Variants in NRXN3 observed in about 807,000 individuals in gnomAD.
NRXN3 encodes the protein neurexin 3.
A neutral mutation model predicts 137.6 loss-of-function variants in NRXN3; 32 were observed. That is an observed-to-expected ratio of 0.23 (90% CI 0.18 to 0.31). NRXN3 has a LOEUF of 0.31. Ranked by LOEUF, NRXN3 falls within the 10% of genes least tolerant of loss-of-function variation. The probability of loss-of-function intolerance (pLI) is 1.00; values close to 1 mark genes in which losing one functional copy is unlikely to be tolerated. For missense variants in NRXN3, 1,574 were observed against 2,062.5 expected (o/e 0.76, Z 4.59); for synonymous variants, 798 against 784.5 (o/e 1.02, Z -0.29).
intron 15 of NRXN3, among the ~76,000 whole-genome samples, chr14:79,282,104 C>A (rs2081366495): frequency 6.6e-6 from 1 of 151,280 alleles, no homozygotes; most frequent in Non-Finnish European, 1.5e-5. Context: ...GGTGTTGGCT[C>A]CCTTAAAAAA....
chr14:79,618,044 G>A (rs191390586), intron 16 of NRXN3, among the ~76,000 whole-genome samples: 1 of 151,750 alleles, frequency 6.6e-6, no homozygotes, highest in Non-Finnish European at 1.5e-5. Context: ...ACTTTCTGCT[G>A]TTTACTTGGG....
At chr14:79,665,100 G>T (rs1207640048) in intron 17 of NRXN3, among the ~76,000 whole-genome samples, 1 of 152,172 alleles carries the variant, frequency 6.6e-6, no homozygotes, top group Non-Finnish European at 1.5e-5. Context: ...GAAGGCTGTT[G>T]TATCTCCACA....
At chr14:79,444,572 C>T (rs2096023903) in intron 15 of NRXN3, among the ~76,000 whole-genome samples, 1 of 152,202 alleles carries the variant, frequency 6.6e-6, no homozygotes, top group Non-Finnish European at 1.5e-5. Context: ...CACTTGCAAT[C>T]CCATTACTTT....
chr14:79,400,646 G>T (rs1038753404), intron 15 of NRXN3, among the ~76,000 whole-genome samples: 1 of 152,082 alleles, frequency 6.6e-6, no homozygotes, highest in Non-Finnish European at 1.5e-5. Flanking sequence ...CCAAACATTC[G>T]TCATTATCAT....
intron 20 of NRXN3, among the ~76,000 whole-genome samples, chr14:79,841,000 G>T (rs1214266169): frequency 6.6e-6 from 1 of 152,032 alleles, no homozygotes; most frequent in African/African-American, 2.4e-5. Context: ...CTTATCTACG[G>T]TTTAGTTTAC....
At chr14:79,195,046 A>G (rs1185874577) in intron 15 of NRXN3, among the ~76,000 whole-genome samples, 1 of 151,766 alleles carries the variant, frequency 6.6e-6, no homozygotes, top group Non-Finnish European at 1.5e-5. Context: ...TTAGTCATGG[A>G]TGGCTCCTTT....
intron 5 of NRXN3, among the ~76,000 whole-genome samples, chr14:78,647,014 G>T (rs981592417): frequency 6.6e-6 from 1 of 152,182 alleles, no homozygotes; most frequent in Non-Finnish European, 1.5e-5. Flanking sequence ...GTGGAGGAGA[G>T]ACTTTTCATG....
chr14:79,540,972 C>G (rs2097266579), intron 16 of NRXN3, among the ~76,000 whole-genome samples: 1 of 152,054 alleles, frequency 6.6e-6, no homozygotes, highest in Non-Finnish European at 1.5e-5. Context: ...AAGGCTGGTT[C>G]CTTCTGGAGG....
intron 6 of NRXN3, among the ~76,000 whole-genome samples, chr14:78,680,042 A>C (rs191601702): frequency 7.9e-5 from 12 of 152,146 alleles, no homozygotes; most frequent in African/African-American, 2.7e-4. Flanking sequence ...ATGTATAATT[A>C]CATATAATTA....
chr14:79,806,464 A>G (rs2099205650), intron 20 of NRXN3, among the ~76,000 whole-genome samples: 1 of 152,090 alleles, frequency 6.6e-6, no homozygotes, highest in African/African-American at 2.4e-5. Flanking sequence ...CTGGAGTGTA[A>G]TCTGTTCCAT....
intron 2 of NRXN3, among the ~76,000 whole-genome samples, chr14:78,252,719 C>G (rs990013011): frequency 4.6e-5 from 7 of 152,190 alleles, no homozygotes; most frequent in African/African-American, 1.4e-4. Flanking sequence ...TCAGGCAATT[C>G]TGCAATCTCT....
At chr14:78,825,319 A>G (rs1454303990) in intron 10 of NRXN3, among the ~76,000 whole-genome samples, 4 of 152,130 alleles carry the variant, frequency 2.6e-5, no homozygotes, top group Admixed American at 6.5e-5. Flanking sequence ...GATGACTCAG[A>G]GCAGAAAAAT....
intron 16 of NRXN3, among the ~76,000 whole-genome samples, chr14:79,618,197 A>C (rs1238561575): frequency 6.6e-6 from 1 of 151,976 alleles, no homozygotes; most frequent in African/African-American, 2.4e-5. Context: ...CATTTTATAT[A>C]TTTTTAATGC....
chr14:78,938,292 C>T (rs1457928195), intron 10 of NRXN3, among the ~76,000 whole-genome samples: 1 of 152,256 alleles, frequency 6.6e-6, no homozygotes, highest in Admixed American at 6.5e-5. Flanking sequence ...GAAGCCATGT[C>T]TGGCTCATTC....
intron 15 of NRXN3, among the ~76,000 whole-genome samples, chr14:79,032,276 T>C (rs922829951): frequency 2.0e-5 from 3 of 152,182 alleles, no homozygotes; most frequent in Non-Finnish European, 4.4e-5. Flanking sequence ...TTCAATTACA[T>C]TCAATCAAAT....
At chr14:78,263,763 A>G (rs1023053489) in intron 2 of NRXN3, among the ~76,000 whole-genome samples, 1 of 152,008 alleles carries the variant, frequency 6.6e-6, no homozygotes. Flanking sequence ...CAATTTTCTC[A>G]CATCAGATTT....
chr14:78,991,077 C>T (rs538034279), intron 15 of NRXN3, among the ~76,000 whole-genome samples: 89 of 152,254 alleles, frequency 5.8e-4, no homozygotes, highest in African/African-American at 1.9e-3. Flanking sequence ...TCATCATCAC[C>T]GGCAGACTTG....
At chr14:79,810,575 G>A (rs796855316) in intron 20 of NRXN3, among the ~76,000 whole-genome samples, 4 of 151,980 alleles carry the variant, frequency 2.6e-5, no homozygotes, top group Non-Finnish European at 2.9e-5. Context: ...TTTGCATTTC[G>A]GTGTTACTGC....
intron 16 of NRXN3, among the ~76,000 whole-genome samples, chr14:79,516,850 A>G (rs1471155327): frequency 1.3e-5 from 2 of 152,010 alleles, no homozygotes; most frequent in East Asian, 3.9e-4. Context: ...CTTTTTTTTT[A>G]CAGCTCTGTC....
Sources: gnomAD v4.1 joint callset for allele counts (sites outside exome capture counted in the v4.1 genomes callset) on GRCh38, gnomAD v4.1.1 for gene constraint, MANE v1.5 for transcripts, NCBI Gene and HGNC (gene_info 2026-07-23, HGNC 2026-07-21) for gene names.